B3GALT1: variants seen among roughly 807,000 people sequenced by gnomAD.
B3GALT1 encodes the protein beta-1,3-galactosyltransferase 1, also known as UDP-Gal:betaGlcNAc beta 1,3-galactosyltransferase, polypeptide 1.
B3GALT1 carries 10 observed loss-of-function variants against 23.2 expected under a neutral mutation model. That is an observed-to-expected ratio of 0.43 (90% confidence interval 0.27 to 0.73). The LOEUF (loss-of-function observed/expected upper bound fraction) is 0.73, where lower values mean the gene tolerates loss of function less well. Among genes scored for constraint, B3GALT1 ranks in the 30% least tolerant of loss-of-function variants. The pLI is 0.21. For missense variants in B3GALT1, 299 were observed against 405.4 expected, an observed-to-expected ratio of 0.74 and a Z score of 2.25; for synonymous variants, 156 against 141.5, an observed-to-expected ratio of 1.10 and a Z score of -0.73.
chr2:167,393,451 C>T lies in B3GALT1; in HGVS notation c.-510-96726C>T, dbSNP rs74511187. On this transcript the variant is annotated intron_variant, in intron 1 of 4. Coordinates refer to ENST00000392690, the MANE Select transcript of B3GALT1 (RefSeq NM_020981.4). ...AGGACCCTGAAAGCAACATGGATCT[C>T]ATTTTGTTTCTCCCCTAACAGGAAA... Among the ~76,000 whole-genome samples, 772 of 151,926 alleles carry T rather than the reference C, an allele frequency of 5.1e-3. 8 individuals carry two copies. The highest frequency in any genetic ancestry group is 0.018 in the African/African-American group (738 of 41,454).
intron 1 of B3GALT1, among the ~76,000 whole-genome samples, chr2:167,351,766 T>A (rs1697311960): frequency 6.6e-6 from 1 of 152,146 alleles, no homozygotes. Context: ...TTTTCGTGCC[T>A]CCCTCCATTA....
intron 2 of B3GALT1, among the ~76,000 whole-genome samples, chr2:167,609,211 C>G (rs1463208020): frequency 6.6e-6 from 1 of 151,924 alleles, no homozygotes; most frequent in East Asian, 1.9e-4. Context: ...GAACACAGAC[C>G]AATAATAACG....
intron 3 of B3GALT1, among the ~76,000 whole-genome samples, chr2:167,755,471 A>T (rs1256548895): frequency 6.8e-6 from 1 of 147,902 alleles, no homozygotes; most frequent in Non-Finnish European, 1.5e-5. Context: ...GCTCCAAAAT[A>T]TCCTGCCTCC....
Position 167,314,588 on chromosome 2 carries a change from G to C in B3GALT1, c.-511+21254G>C, listed in dbSNP as rs191691510. The stretch of plus-strand genomic sequence containing the variant: ...GCGAAAATATTCAAAACTGTGAATC[G>C]TCATTTATTTACCATTTTAAATTAG... On this transcript the variant is annotated intron_variant, in intron 1 of 4. Coordinates refer to ENST00000392690, the MANE Select transcript of B3GALT1 (RefSeq NM_020981.4). 3.3e-5 allele frequency among the ~76,000 whole-genome samples: 5 copies of C among 152,176 alleles called. No individual in the cohort carries two copies. The East Asian group carries it at 9.6e-4, about 29-fold the overall frequency.
At chr2:167,485,631 A>G (rs1285014849) in intron 1 of B3GALT1, among the ~76,000 whole-genome samples, 2 of 152,208 alleles carry the variant, frequency 1.3e-5, no homozygotes, top group African/African-American at 4.8e-5. Context: ...ATTTAGAGGA[A>G]TGGCCGTGTG....
At chr2:167,783,335 G>C (rs79109951) in intron 3 of B3GALT1, among the ~76,000 whole-genome samples, 1,634 of 152,170 alleles carry the variant, frequency 0.011, 41 homozygotes, top group African/African-American at 0.038. Context: ...ACTACAACTG[G>C]TAGTGGTGAG....
At chr2:167,826,670 G>A (rs1001891333) in intron 4 of B3GALT1, among the ~76,000 whole-genome samples, 1 of 152,152 alleles carries the variant, frequency 6.6e-6, no homozygotes. Context: ...ATATGAATCA[G>A]CCCACTGTAT....
At chr2:167,787,995 G>A (rs1688371403) in intron 3 of B3GALT1, among the ~76,000 whole-genome samples, 2 of 152,200 alleles carry the variant, frequency 1.3e-5, no homozygotes, top group African/African-American at 2.4e-5. Context: ...GTTGGACCTT[G>A]CTGTCTTACT....
At chr2:167,390,282 T>A (rs1156589720) in intron 1 of B3GALT1, among the ~76,000 whole-genome samples, 1 of 152,202 alleles carries the variant, frequency 6.6e-6, no homozygotes, top group Non-Finnish European at 1.5e-5. Flanking sequence ...TGGATGATCG[T>A]GATCTTGTCC....
At chr2:167,529,247 C>A (rs933321644) in intron 2 of B3GALT1, among the ~76,000 whole-genome samples, 1 of 152,036 alleles carries the variant, frequency 6.6e-6, no homozygotes, top group Admixed American at 6.6e-5. Flanking sequence ...CTTCTCATTC[C>A]CATAACCCTA....
At chr2:167,384,413 A>C (rs1048364725) in intron 1 of B3GALT1, among the ~76,000 whole-genome samples, 3 of 152,122 alleles carry the variant, frequency 2.0e-5, no homozygotes, top group Non-Finnish European at 2.9e-5. Flanking sequence ...CGGAATTCTC[A>C]AGGGATCTTA....
At chr2:167,477,336 C>A (rs925953784) in intron 1 of B3GALT1, among the ~76,000 whole-genome samples, 1 of 152,156 alleles carries the variant, frequency 6.6e-6, no homozygotes, top group South Asian at 2.1e-4. Flanking sequence ...CATTATGCCA[C>A]ACCCTGTGCC....
chr2:167,648,076 G>A (rs1224581277), intron 3 of B3GALT1, among the ~76,000 whole-genome samples: 2 of 151,962 alleles, frequency 1.3e-5, no homozygotes, highest in Non-Finnish European at 2.9e-5. Flanking sequence ...TTATGCTTAT[G>A]TAATCTTTTC....
At position 167,320,547 on chromosome 2, in the gene B3GALT1, G is replaced by A. The variant is rs11894880; in HGVS notation, c.-511+27213G>A. On this transcript the variant is annotated intron_variant, in intron 1 of 4. Transcript: ENST00000392690. ...CTAAATCTAGGCTTCTAGATTCATT[G>A]TAGAGCTGGACATTGCCATGTTTCT... Among the ~76,000 whole-genome samples the A allele has an allele frequency of 2.9e-3, 448 of 152,040 alleles. 4 individuals are homozygous for A. The highest frequency in any genetic ancestry group is 0.01 in the African/African-American group (418 of 41,504).
At chr2:167,827,140 C>A (rs1489832705) in intron 4 of B3GALT1, among the ~76,000 whole-genome samples, 2 of 152,154 alleles carry the variant, frequency 1.3e-5, no homozygotes, top group South Asian at 2.1e-4. Context: ...GACACCAGCA[C>A]AAATGGCACA....
chr2:167,425,212 G>C (rs1291506676), intron 1 of B3GALT1, among the ~76,000 whole-genome samples: 1 of 152,228 alleles, frequency 6.6e-6, no homozygotes, highest in East Asian at 1.9e-4. Flanking sequence ...TGTGTCCTGT[G>C]TAGAGTGCAA....
chr2:167,314,006 C>T (rs899022069), intron 1 of B3GALT1, among the ~76,000 whole-genome samples: 4 of 152,058 alleles, frequency 2.6e-5, no homozygotes, highest in African/African-American at 7.2e-5. Context: ...AAGATCATAT[C>T]GTGTTATGAG....
At position 167,865,708 on chromosome 2, in the gene B3GALT1, C is replaced by T. The variant is rs1469229806; in HGVS notation, c.-229-3103C>T. Reference sequence around the variant, plus strand: ...TTGGGAGGCTGAGGCAGGAGAATGGCGTGAACCCGGGAGGCGGAGTTTGCA... The same window carrying T: ...TTGGGAGGCTGAGGCAGGAGAATGGTGTGAACCCGGGAGGCGGAGTTTGCA... On this transcript the variant is annotated intron_variant, in intron 4 of 4. Coordinates refer to ENST00000392690, the MANE Select transcript of B3GALT1 (RefSeq NM_020981.4). Among the ~76,000 whole-genome samples the T allele has an allele frequency of 3.9e-5, 6 of 152,244 alleles. No homozygotes were observed. The East Asian group carries it at 5.8e-4, about 15-fold the overall frequency.
chr2:167,618,393 G>T (rs1685197201), intron 2 of B3GALT1, among the ~76,000 whole-genome samples: 1 of 151,962 alleles, frequency 6.6e-6, no homozygotes, highest in South Asian at 2.1e-4. Flanking sequence ...TGCTATATTA[G>T]ATATGTGTAT....
Sources: gnomAD v4.1 joint callset for allele counts (sites outside exome capture counted in the v4.1 genomes callset) on GRCh38, gnomAD v4.1.1 for gene constraint, MANE v1.5 for transcripts, NCBI Gene and HGNC (gene_info 2026-07-23, HGNC 2026-07-21) for gene names.